The following PYM1 variants were observed in gnomAD, a reference collection of about 807,000 sequenced individuals.
PYM1 encodes PYM1 exon junction complex associated factor, also known as partner of Y14 and mago.
PYM1 carries 7 observed loss-of-function variants against 20.7 expected under a neutral mutation model. That is an observed-to-expected ratio of 0.34 (90% CI 0.19 to 0.64). The LOEUF (loss-of-function observed/expected upper bound fraction) is 0.64, where lower values mean the gene tolerates loss of function less well. Among genes scored for constraint, PYM1 ranks in the 30% least tolerant of loss-of-function variants. The pLI, the probability that PYM1 is intolerant of heterozygous loss-of-function variation, is 0.74. For missense variants in PYM1, 194 were observed against 250.0 expected, an observed-to-expected ratio of 0.78 and a Z score of 1.51; for synonymous variants, 100 against 99.2, an observed-to-expected ratio of 1.01 and a Z score of -0.05.
chr12:55,927,894 T>C lies in PYM1; in HGVS notation c.-133A>G, dbSNP rs1883226728. The C allele has an allele frequency of 1.7e-6, 2 of 1,205,874 alleles. No individual in the cohort carries two copies. Among genetic ancestry groups the C allele is most frequent in the African/African-American group, 3.1e-5 (2 of 64,520 alleles). The allele number at this position is 1,205,874 out of a possible 1,614,324, so 74.7% of individuals were successfully genotyped here. On this transcript the variant is annotated 5_prime_UTR_variant, in exon 1 of 3. Transcript: ENST00000408946. Reference sequence around the variant, plus strand: ...CTCGCCCAGACCTCCTAACCCTGAGTGCCTCCTCGGGCTGGGCCCTAGGGT... The same window carrying C: ...CTCGCCCAGACCTCCTAACCCTGAGCGCCTCCTCGGGCTGGGCCCTAGGGT...
chr12:55,908,921 G>A (rs781741945), intron 1 of PYM1, among the ~76,000 whole-genome samples: 4 of 152,096 alleles, frequency 2.6e-5, no homozygotes, highest in Admixed American at 6.6e-5. Context: ...TGGAGGGCAT[G>A]GAAGAAAGAA....
intron 1 of PYM1, chr12:55,927,286 T>A: frequency 1.0e-6 from 1 of 984,722 alleles, no homozygotes; most frequent in Non-Finnish European, 1.6e-6. Flanking sequence ...GTTAATAAAA[T>A]AAAGCCGTGG....
At chr12:55,904,782 C>T (rs1444176946) in intron 1 of PYM1, among the ~76,000 whole-genome samples, 2 of 151,308 alleles carry the variant, frequency 1.3e-5, no homozygotes, top group African/African-American at 2.4e-5. Context: ...GAGGCCGAGG[C>T]ACGAGAATCG....
chr12:55,905,778 A>ATAT (rs199877321), intron 1 of PYM1, among the ~76,000 whole-genome samples: 1 of 133,416 alleles, frequency 7.5e-6, no homozygotes, highest in Non-Finnish European at 1.6e-5. Context: ...TATTATATAT[A>ATAT]TATTATTATT....
At chr12:55,904,948 C>T (rs1229662187) in intron 1 of PYM1, among the ~76,000 whole-genome samples, 1 of 151,878 alleles carries the variant, frequency 6.6e-6, no homozygotes, top group Non-Finnish European at 1.5e-5. Flanking sequence ...TCAGGACCCC[C>T]TTTACACTGT....
At chr12:55,923,009 C>T (rs1352047088) in intron 1 of PYM1, among the ~76,000 whole-genome samples, 7 of 151,790 alleles carry the variant, frequency 4.6e-5, no homozygotes, top group East Asian at 2.0e-4. Context: ...GCAGATCACC[C>T]GAGGTCAGGA....
chr12:55,915,236 A>AAAG, intron 1 of PYM1, among the ~76,000 whole-genome samples: 1 of 148,506 alleles, frequency 6.7e-6, no homozygotes, highest in South Asian at 2.1e-4. Flanking sequence ...AAAAAAAAAA[A>AAAG]GTAAAGGTAG....
chr12:55,904,761 C>T (rs568662078), intron 1 of PYM1, among the ~76,000 whole-genome samples: 1 of 151,708 alleles, frequency 6.6e-6, no homozygotes, highest in African/African-American at 2.4e-5. Context: ...TCTGTAATCC[C>T]AGCTACTGGG....
intron 1 of PYM1, among the ~76,000 whole-genome samples, chr12:55,924,158 G>A (rs375130071): frequency 6.6e-5 from 10 of 152,150 alleles, no homozygotes; most frequent in African/African-American, 2.2e-4. Context: ...AATAGTGATG[G>A]AAAAACTGAT....
intron 1 of PYM1, chr12:55,927,246 A>G: frequency 1.6e-6 from 2 of 1,257,918 alleles, no homozygotes; most frequent in Non-Finnish European, 2.3e-6. Context: ...GCGGAGGTGG[A>G]GGAGGAGGAA....
In PYM1 at chr12:55,927,315, T is replaced by G. The variant is rs537279200; in HGVS notation, c.37+410A>C. ...GCCGTGGGCTTTTTACTGCCACCGA[T>G]ACCATTACTGAGCGCTTGCTGCCTG... is the stretch of plus-strand genomic sequence containing the variant. On this transcript the variant is annotated intron_variant, in intron 1 of 2. Transcript: ENST00000408946. 6.1e-4 allele frequency: 487 copies of G among 802,320 alleles called. No individual in the cohort carries two copies. The African/African-American group carries it at 7.6e-3, about 12-fold the overall frequency. The allele number at this position is 802,320 out of a possible 1,614,324, so 49.7% of individuals were successfully genotyped here.
intron 1 of PYM1, among the ~76,000 whole-genome samples, chr12:55,911,850 AAGGGG>A (rs895462368): frequency 4.6e-5 from 7 of 151,282 alleles, no homozygotes; most frequent in Admixed American, 6.6e-5. Flanking sequence ...AAGAAAAGAG[AAGGGG>A]AGGGGAGGGG....
intron 1 of PYM1, among the ~76,000 whole-genome samples, chr12:55,910,633 A>T (rs1203451569): frequency 6.6e-6 from 1 of 152,058 alleles, no homozygotes; most frequent in Non-Finnish European, 1.5e-5. Flanking sequence ...TAGTAGAGAC[A>T]GGGTTTCGCC....
At chr12:55,907,863 C>T (rs764042883) in intron 1 of PYM1, among the ~76,000 whole-genome samples, 5 of 151,734 alleles carry the variant, frequency 3.3e-5, no homozygotes, top group Non-Finnish European at 7.4e-5. Context: ...CACTTGAACC[C>T]GGGAAGTGGG....
chr12:55,919,312 C>G (rs368706428), intron 1 of PYM1, among the ~76,000 whole-genome samples: 1 of 151,992 alleles, frequency 6.6e-6, no homozygotes, highest in East Asian at 1.9e-4. Flanking sequence ...GTCACCACAC[C>G]CAGTTAATTT....
chr12:55,910,592 A>C (rs911118913), intron 1 of PYM1, among the ~76,000 whole-genome samples: 3 of 152,004 alleles, frequency 2.0e-5, no homozygotes, highest in African/African-American at 7.3e-5. Context: ...ACAGGAGCCC[A>C]CTACCACGCC....
At position 55,901,597 on chromosome 12, in the gene PYM1, A is replaced by T; in HGVS notation, c.*275T>A. ...TTCCCACCCACCTGATTTTCTTTTA[A>T]ACAAGACACCCAAATCAGCAGCAAA... On this transcript the variant is annotated 3_prime_UTR_variant, in exon 3 of 3. Coordinates refer to ENST00000408946, the MANE Select transcript of PYM1 (RefSeq NM_032345.3). 2.6e-6 allele frequency: 1 copy of T among 382,486 alleles called. No homozygotes were observed. Among genetic ancestry groups the T allele is most frequent in the East Asian group, 4.7e-5 (1 of 21,158 alleles). 23.7% of individuals were successfully genotyped at this position (382,486 alleles called of 1,614,324 possible). A position where few individuals can be genotyped will look rare whatever the true frequency, so the allele number is the denominator to read the frequency against.
chr12:55,905,973 A>T (rs1301706614), intron 1 of PYM1, among the ~76,000 whole-genome samples: 1 of 130,934 alleles, frequency 7.6e-6, no homozygotes, highest in East Asian at 2.0e-4. Flanking sequence ...ATAGATATAT[A>T]TATTATTATA....
At position 55,902,259 on chromosome 12, in the gene PYM1, A is replaced by G. The variant is rs748096484; in HGVS notation, c.228T>C (p.Pro76=). 2 of 1,613,938 alleles carry G rather than the reference A, an allele frequency of 1.2e-6. No homozygotes were observed. Among genetic ancestry groups the G allele is most frequent in the African/African-American group, 2.7e-5 (2 of 74,888 alleles). ...TGGAGAGGCCTGGTTCACCACCTTC[A>G]GGCCTGGATGGGGTGACAGGAGCAG... The part of the protein sequence containing the change: ...EATAPVTPSR[P]EGGEPGLSKT... Residue 76 remains proline, a synonymous_variant, in exon 3 of 3, where the codon CCT becomes CCC. Coordinates refer to ENST00000408946, the MANE Select transcript of PYM1 (RefSeq NM_032345.3).
Sources: allele counts gnomAD v4.1 joint callset (sites outside exome capture counted in the v4.1 genomes callset), GRCh38; gene constraint gnomAD v4.1.1; transcripts MANE v1.5; gene names NCBI Gene and HGNC (gene_info 2026-07-23, HGNC 2026-07-21).